DENND1B: variants seen among roughly 807,000 people sequenced by gnomAD.
The protein encoded by DENND1B is DENN domain-containing protein 1B.
DENND1B carries 59 observed loss-of-function variants against 90.1 expected under a neutral mutation model. The observed-to-expected ratio is 0.65, with a 90% CI of 0.53 to 0.81. The LOEUF (loss-of-function observed/expected upper bound fraction) is 0.81. Among genes scored for constraint, DENND1B ranks in the 40% least tolerant of loss-of-function variants. DENND1B has a pLI of 0.00. For synonymous variants in DENND1B, 337 were observed against 324.6 expected, an observed-to-expected ratio of 1.04 and a Z score of -0.41; for missense variants, 862 against 912.6, an observed-to-expected ratio of 0.94 and a Z score of 0.71.
In DENND1B at chr1:197,553,037, C is replaced by T. The variant is rs780178066; in HGVS notation, c.1225G>A (p.Gly409Ser). 1.9e-6 allele frequency: 3 copies of T among 1,570,852 alleles called. No homozygotes were observed. Among genetic ancestry groups the T allele is most frequent in the Non-Finnish European group, 8.6e-7 (1 of 1,165,310 alleles). The change falls in exon 16 of 23, where the codon GGT (glycine) becomes AGT (serine). Residue 409 changes from glycine (G) to serine (S), a missense_variant. Transcript: ENST00000620048. ...TTGTCTTTACCTCCACAAAAGCCAC[C>T]TGAAGTGATCTCTTCTTCAAATACA... ...SDVFEEEITS[G>S]GFCGGNPRSY... is the part of the protein sequence containing the mutation.
intron 3 of DENND1B, among the ~76,000 whole-genome samples, chr1:197,707,974 C>T (rs544826862): frequency 6.2e-4 from 94 of 152,186 alleles, no homozygotes; most frequent in African/African-American, 2.2e-3. Context: ...GACGGCCGCA[C>T]CCGGAAAATC....
At chr1:197,553,866 C>A (rs1671461859) in intron 15 of DENND1B, among the ~76,000 whole-genome samples, 1 of 151,952 alleles carries the variant, frequency 6.6e-6, no homozygotes, top group Non-Finnish European at 1.5e-5. Context: ...TTTCAGTGTT[C>A]TTAAAAAAGA....
rs1000817273 is a variant in DENND1B at position 197,552,913 on chromosome 1, A to G, written c.1240+109T>C. On this transcript the variant is annotated intron_variant, in intron 16 of 22. Coordinates refer to ENST00000620048, the MANE Select transcript of DENND1B (RefSeq NM_001195215.2). ...AATGTATTTAAGACATTACATATTT[A>G]GGAGGAAATCATTAGTTGTTTATGA... The G allele has an allele frequency of 2.6e-6, 4 of 1,520,586 alleles. No individual in the cohort carries two copies. The African/African-American group carries it at 5.8e-5, about 22-fold the overall frequency. 94.2% of individuals were successfully genotyped at this position (1,520,586 alleles called of 1,614,324 possible). A position where few individuals can be genotyped will look rare whatever the true frequency, so the allele number is the denominator to read the frequency against.
chr1:197,643,086 T>G (rs1208272981), intron 9 of DENND1B, among the ~76,000 whole-genome samples: 1 of 152,000 alleles, frequency 6.6e-6, no homozygotes, highest in Non-Finnish European at 1.5e-5. Context: ...ACCCGCTAAG[T>G]ATTTGAAAAG....
At chr1:197,584,523 G>A (rs1674522398) in intron 14 of DENND1B, among the ~76,000 whole-genome samples, 1 of 152,086 alleles carries the variant, frequency 6.6e-6, no homozygotes, top group Admixed American at 6.6e-5. Flanking sequence ...GGATAGCACT[G>A]CTATAGAAAA....
chr1:197,577,104 T>A (rs538841852), intron 15 of DENND1B, among the ~76,000 whole-genome samples: 1 of 151,958 alleles, frequency 6.6e-6, no homozygotes, highest in African/African-American at 2.4e-5. Flanking sequence ...GAGTACAGAC[T>A]TAGTGAGGGG....
At chr1:197,770,816 ATATG>A (rs1391878227) in intron 2 of DENND1B, among the ~76,000 whole-genome samples, 3 of 141,154 alleles carry the variant, frequency 2.1e-5, no homozygotes, top group Non-Finnish European at 3.1e-5. Context: ...ATATAAATAT[ATATG>A]TAAATATATA....
At chr1:197,512,020 AT>A in intron 21 of DENND1B, 76 bp from the exon 22 acceptor site, 1 of 1,091,390 alleles carries the variant, frequency 9.2e-7, no homozygotes. Context: ...CACCAGTTAC[AT>A]TACATTAATG....
intron 10 of DENND1B, among the ~76,000 whole-genome samples, chr1:197,640,595 C>T (rs913515519): frequency 6.6e-6 from 1 of 151,954 alleles, no homozygotes; most frequent in Admixed American, 6.6e-5. Context: ...ATCTTTACAT[C>T]AACCCTATGA....
chr1:197,526,595 C>G (rs1382607646), intron 20 of DENND1B, among the ~76,000 whole-genome samples: 2 of 152,040 alleles, frequency 1.3e-5, no homozygotes, highest in African/African-American at 4.8e-5. Context: ...TAATAAATGT[C>G]AGTCATTTCT....
At chr1:197,546,354 G>T (rs1193735496) in intron 17 of DENND1B, among the ~76,000 whole-genome samples, 2 of 152,116 alleles carry the variant, frequency 1.3e-5, no homozygotes, top group Non-Finnish European at 2.9e-5. Context: ...TAAAGTCTCA[G>T]TCTGGGGGAG....
intron 14 of DENND1B, among the ~76,000 whole-genome samples, chr1:197,589,536 CTAAT>C (rs943078447): frequency 2.6e-5 from 4 of 152,080 alleles, no homozygotes; most frequent in African/African-American, 9.7e-5. Context: ...TTTTAAAACT[CTAAT>C]AAGTTGACAA....
intron 22 of DENND1B, 92 bp downstream of exon 22, chr1:197,511,636 G>T: frequency 1.0e-6 from 1 of 957,274 alleles, no homozygotes; most frequent in Non-Finnish European, 1.5e-6. Context: ...GAGGTTAAAT[G>T]CTTCTACCAA....
At chr1:197,569,648 AC>A (rs1355751415) in intron 15 of DENND1B, among the ~76,000 whole-genome samples, 1 of 152,012 alleles carries the variant, frequency 6.6e-6, no homozygotes, top group African/African-American at 2.4e-5. Flanking sequence ...AACTGCAACA[AC>A]ATGATTCAAT....
chr1:197,684,284 G>A (rs1258132373), intron 3 of DENND1B, among the ~76,000 whole-genome samples: 1 of 152,030 alleles, frequency 6.6e-6, no homozygotes, highest in Non-Finnish European at 1.5e-5. Flanking sequence ...GCGACTGAGA[G>A]GCTAAGTAGC....
chr1:197,578,928 T>A (rs1673946326), intron 15 of DENND1B, among the ~76,000 whole-genome samples: 1 of 152,032 alleles, frequency 6.6e-6, no homozygotes. Flanking sequence ...CACATCCAGC[T>A]AATTTTTGTA....
chr1:197,715,443 A>G (rs1660551883), intron 2 of DENND1B, among the ~76,000 whole-genome samples: 1 of 151,916 alleles, frequency 6.6e-6, no homozygotes, highest in Non-Finnish European at 1.5e-5. Flanking sequence ...TCCTTTGAAA[A>G]GAAAAATACA....
intron 10 of DENND1B, among the ~76,000 whole-genome samples, chr1:197,620,916 TTAGA>T (rs761366657): frequency 6.6e-6 from 1 of 151,230 alleles, no homozygotes; most frequent in East Asian, 2.0e-4. Flanking sequence ...GGGAGCTATT[TTAGA>T]TAGGAGGATT....
intron 16 of DENND1B, among the ~76,000 whole-genome samples, chr1:197,551,704 C>T (rs992421253): frequency 3.3e-5 from 5 of 152,174 alleles, no homozygotes; most frequent in Non-Finnish European, 7.4e-5. Flanking sequence ...CCCCACGGGT[C>T]ATAAAGATAA....
Sources: allele counts gnomAD v4.1 joint callset (sites outside exome capture counted in the v4.1 genomes callset), GRCh38; gene constraint gnomAD v4.1.1; transcripts MANE v1.5; gene names NCBI Gene and HGNC (gene_info 2026-07-23, HGNC 2026-07-21).